Variants in GALNT12 observed in about 807,000 individuals in gnomAD.
GALNT12 encodes the protein polypeptide N-acetylgalactosaminyltransferase 12.
Under a neutral mutation model 55.5 loss-of-function variants are expected in GALNT12, and 45 were observed. The ratio of observed to expected loss-of-function variants is 0.81; its 90% CI spans 0.64 to 1.04. The LOEUF is 1.04. GALNT12 is among the 50% of genes least tolerant of loss of function. The probability of loss-of-function intolerance (pLI) is 0.00; values close to 1 mark genes in which losing one functional copy is unlikely to be tolerated. For synonymous variants in GALNT12, 304 were observed against 312.2 expected, an observed-to-expected ratio of 0.97 and a Z score of 0.28; for missense variants, 709 against 754.8, an observed-to-expected ratio of 0.94 and a Z score of 0.71.
intron 7 of GALNT12, among the ~76,000 whole-genome samples, chr9:98,842,578 G>A (rs913153645): frequency 3.9e-5 from 6 of 152,094 alleles, no homozygotes; most frequent in African/African-American, 1.2e-4. Flanking sequence ...ACACCTTACA[G>A]TGGCGTTGAT....
intron 2 of GALNT12, among the ~76,000 whole-genome samples, chr9:98,826,175 A>C (rs996891663): frequency 2.6e-5 from 4 of 152,116 alleles, no homozygotes; most frequent in African/African-American, 7.2e-5. Context: ...TCATCTGTGA[A>C]ATAGGGATAA....
Position 98,814,972 on chromosome 9 carries a change from A to G in GALNT12, c.371+6903A>G, listed in dbSNP as rs372970749. 2.5e-4 allele frequency among the ~76,000 whole-genome samples: 38 copies of G among 152,340 alleles called. 1 individual carries two copies. The South Asian group carries it at 7.7e-3, about 31-fold the overall frequency. ...TCTGCCCTTACAAAGCACATGCAAT[A>G]TACCAGAAACTTAGGGAAATGATTG... On this transcript the variant is annotated intron_variant, in intron 1 of 9. Transcript: ENST00000375011.
chr9:98,837,233 G>A (rs1836177790), intron 6 of GALNT12, 85 bp downstream of exon 6: 1 of 1,315,498 alleles, frequency 7.6e-7, no homozygotes, highest in South Asian at 1.2e-5. Context: ...TAGTCGATCT[G>A]GTTCCAGAAA....
At chr9:98,808,597 A>T (rs769934938) in intron 1 of GALNT12, among the ~76,000 whole-genome samples, 58 of 152,140 alleles carry the variant, frequency 3.8e-4, no homozygotes, top group Non-Finnish European at 6.6e-4. Context: ...CTCCCTGGGC[A>T]TTGGATTTCT....
chr9:98,828,313 T>G (rs1835909256), intron 3 of GALNT12, among the ~76,000 whole-genome samples: 2 of 152,178 alleles, frequency 1.3e-5, no homozygotes, highest in Non-Finnish European at 2.9e-5. Flanking sequence ...CTCTTTCTCC[T>G]CCTCAGCTCT....
At chr9:98,837,769 C>T (rs1429794525) in intron 6 of GALNT12, among the ~76,000 whole-genome samples, 4 of 152,134 alleles carry the variant, frequency 2.6e-5, no homozygotes, top group Admixed American at 1.3e-4. Context: ...AACAAGAAGG[C>T]GGTGTGTGCC....
At chr9:98,827,345 C>T (rs1835881510) in intron 3 of GALNT12, among the ~76,000 whole-genome samples, 1 of 152,014 alleles carries the variant, frequency 6.6e-6, no homozygotes, top group African/African-American at 2.4e-5. Flanking sequence ...GGATTACAGG[C>T]ATGCACCACC....
Position 98,849,921 on chromosome 9 carries a change from AAC to A in GALNT12, c.*831_*832del, listed in dbSNP as rs1158748183. 2 of 243,736 alleles carry A rather than the reference AAC, an allele frequency of 8.2e-6. No homozygotes were observed. Among genetic ancestry groups the A allele is most frequent in the East Asian group, 6.2e-5 (1 of 16,168 alleles). 15.1% of individuals were successfully genotyped at this position (243,736 alleles called of 1,614,324 possible). A position where few individuals can be genotyped will look rare whatever the true frequency, so the allele number is the denominator to read the frequency against. ...TCCTTTTTCAAGTTTGTTCATTAAT[AAC>A]AGTTATTAATTTAAATCAGCGTTAG... On this transcript the variant is annotated 3_prime_UTR_variant, in exon 10 of 10. Transcript: ENST00000375011.
chr9:98,821,490 T>C (rs1251030856), intron 1 of GALNT12, among the ~76,000 whole-genome samples: 2 of 151,828 alleles, frequency 1.3e-5, no homozygotes, highest in African/African-American at 4.8e-5. Context: ...CCGGGTGTGG[T>C]GGCAGGCACT....
rs11794814 is a variant in GALNT12 at position 98,819,181 on chromosome 9, A to T, written c.372-4075A>T. ...GGAAGTCACATACTGTTTCTCCTGC[A>T]TTTCATGTGTGGTGGTTTTAAAATA... On this transcript the variant is annotated intron_variant, in intron 1 of 9. Coordinates refer to ENST00000375011, the MANE Select transcript of GALNT12 (RefSeq NM_024642.5). Among the ~76,000 whole-genome samples, 896 of 152,322 alleles carry T rather than the reference A, an allele frequency of 5.9e-3. 6 individuals carry two copies. The highest frequency in any genetic ancestry group is 0.024 in the South Asian group (117 of 4,830).
intron 9 of GALNT12, among the ~76,000 whole-genome samples, chr9:98,846,788 C>T (rs1051657763): frequency 1.1e-4 from 15 of 137,020 alleles, no homozygotes; most frequent in Non-Finnish European, 1.5e-4. Flanking sequence ...AACCGGAAGG[C>T]GGAGGTTGCA....
intron 1 of GALNT12, among the ~76,000 whole-genome samples, chr9:98,820,289 C>T (rs1835707639): frequency 6.6e-6 from 1 of 152,160 alleles, no homozygotes; most frequent in Non-Finnish European, 1.5e-5. Context: ...TTGTTCCACT[C>T]CATGTGTCCA....
chr9:98,808,838 G>C (rs1293045411), intron 1 of GALNT12, among the ~76,000 whole-genome samples: 3 of 152,224 alleles, frequency 2.0e-5, no homozygotes, highest in Non-Finnish European at 4.4e-5. Context: ...CACCTTTGCC[G>C]CTGGGCCTCC....
At chr9:98,845,542 A>G (rs1005705590) in intron 8 of GALNT12, among the ~76,000 whole-genome samples, 2 of 152,090 alleles carry the variant, frequency 1.3e-5, no homozygotes, top group Non-Finnish European at 2.9e-5. Flanking sequence ...ACAGCACTTT[A>G]CATCTTCTAG....
intron 7 of GALNT12, among the ~76,000 whole-genome samples, chr9:98,842,443 C>T (rs1424432786): frequency 6.6e-6 from 1 of 152,188 alleles, no homozygotes. Context: ...CCTGCCAAGG[C>T]CTCCCAAAGT....
chr9:98,821,217 T>G (rs946748619), intron 1 of GALNT12, among the ~76,000 whole-genome samples: 1 of 152,024 alleles, frequency 6.6e-6, no homozygotes, highest in African/African-American at 2.4e-5. Context: ...ACCATGTTGG[T>G]CAGGCTGGTC....
At chr9:98,814,115 G>C (rs1588439634) in intron 1 of GALNT12, among the ~76,000 whole-genome samples, 1 of 152,154 alleles carries the variant, frequency 6.6e-6, no homozygotes, top group African/African-American at 2.4e-5. Flanking sequence ...TTATTGATTG[G>C]TCAGGCCTGA....
At chr9:98,829,976 T>G (rs544187697) in intron 3 of GALNT12, among the ~76,000 whole-genome samples, 37 of 152,238 alleles carry the variant, frequency 2.4e-4, no homozygotes, top group Non-Finnish European at 4.7e-4. Context: ...TTCCTTTCTT[T>G]TGGATATGTA....
intron 1 of GALNT12, among the ~76,000 whole-genome samples, chr9:98,812,299 A>C (rs1835512720): frequency 6.6e-6 from 1 of 152,176 alleles, no homozygotes; most frequent in South Asian, 2.1e-4. Flanking sequence ...TGTCATTAAA[A>C]AAAAATCCAG....
Sources: gnomAD v4.1 joint callset for allele counts (sites outside exome capture counted in the v4.1 genomes callset) on GRCh38, gnomAD v4.1.1 for gene constraint, MANE v1.5 for transcripts, NCBI Gene and HGNC (gene_info 2026-07-23, HGNC 2026-07-21) for gene names.